Variants in PPFIBP1 observed in about 807,000 individuals in gnomAD.
PPFIBP1 encodes PPFIB scaffold protein 1.
In PPFIBP1, 112 loss-of-function variants were observed where a neutral mutation model predicts 137.8. The ratio of observed to expected loss-of-function variants is 0.81; its 90% CI spans 0.70 to 0.95. The LOEUF is 0.95. Ranked by LOEUF, PPFIBP1 falls within the 40% of genes least tolerant of loss-of-function variation. The pLI is 0.00. For synonymous variants in PPFIBP1, 378 were observed against 417.3 expected (o/e 0.91, Z 1.15); for missense variants, 1,083 against 1,196.6 (o/e 0.91, Z 1.40).
chr12:27,687,193 T>C (rs1338850819), intron 24 of PPFIBP1, among the ~76,000 whole-genome samples, 192 bp from the exon 25 acceptor site: 3 of 152,200 alleles, frequency 2.0e-5, no homozygotes, highest in Admixed American at 2.0e-4. Context: ...GTCAGCTTCA[T>C]TGGCAAAAAA....
rs1209483617 is a variant in PPFIBP1, at chr12:27,647,713, T to G, written c.358-16T>G. On this transcript the variant is annotated splice_polypyrimidine_tract_variant and intron_variant, in intron 5 of 29. Transcript: ENST00000228425. Reference sequence around the variant, plus strand: ...AATTCTTTTTCACTCATTGCATTATTTTGCTCTAAATACAGGTAAGTGTGT... The same window carrying G: ...AATTCTTTTTCACTCATTGCATTATGTTGCTCTAAATACAGGTAAGTGTGT... The G allele has an allele frequency of 5.2e-6, 8 of 1,538,232 alleles. No individual in the cohort carries two copies. Among genetic ancestry groups the G allele is most frequent in the African/African-American group, 1.4e-5 (1 of 71,902 alleles).
intron 19 of PPFIBP1, among the ~76,000 whole-genome samples, chr12:27,678,856 C>CAAAAAAAAAAAAAAAAAAA (rs60834907): frequency 2.3e-4 from 23 of 98,960 alleles, no homozygotes; most frequent in East Asian, 1.1e-3. Context: ...GACTCTGTCT[C>CAAAAAAAAAAAAAAAAAAA]AAAAAAAAAA....
At chr12:27,526,013 G>A (rs1943707438) in intron 1 of PPFIBP1, among the ~76,000 whole-genome samples, 2 of 152,226 alleles carry the variant, frequency 1.3e-5, no homozygotes, top group Non-Finnish European at 2.9e-5. Context: ...AAATGGCTCT[G>A]CAATAATGGT....
intron 1 of PPFIBP1, among the ~76,000 whole-genome samples, chr12:27,539,356 A>G (rs1945400895): frequency 6.6e-6 from 1 of 152,208 alleles, no homozygotes; most frequent in Non-Finnish European, 1.5e-5. Context: ...GCGTGGGTTT[A>G]TCAGAGCTGT....
intron 26 of PPFIBP1, 105 bp from the exon 27 acceptor site, chr12:27,688,910 C>T: frequency 9.3e-7 from 1 of 1,072,784 alleles, no homozygotes; most frequent in Non-Finnish European, 1.3e-6. Context: ...TTGAGAGGAT[C>T]ATTGGAGATA....
chr12:27,630,816 T>C (rs892059598), intron 2 of PPFIBP1, among the ~76,000 whole-genome samples: 5 of 152,198 alleles, frequency 3.3e-5, no homozygotes, highest in African/African-American at 1.2e-4. Flanking sequence ...TTTGTATGCC[T>C]TTGCATACCC....
chr12:27,534,117 C>G (rs893927198), intron 1 of PPFIBP1, among the ~76,000 whole-genome samples: 1 of 151,920 alleles, frequency 6.6e-6, no homozygotes. Flanking sequence ...TTGAGGAAGG[C>G]TCAGGTAGAG....
intron 5 of PPFIBP1, chr12:27,646,353 T>C (rs961661008): frequency 2.9e-5 from 17 of 592,252 alleles, no homozygotes; most frequent in South Asian, 6.1e-5. Flanking sequence ...CCATTAATCA[T>C]CCTCAGCTCT....
chr12:27,641,810 A>G (rs2058121754), intron 4 of PPFIBP1, among the ~76,000 whole-genome samples: 1 of 152,158 alleles, frequency 6.6e-6, no homozygotes, highest in Admixed American at 6.5e-5. Context: ...CAAATCATCT[A>G]TCACCTGAGA....
At position 27,671,478 on chromosome 12, in the gene PPFIBP1, A is replaced by G; in HGVS notation, c.1194A>G (p.Ala398=). The G allele has an allele frequency of 1.2e-6, 2 of 1,602,794 alleles. No individual in the cohort carries two copies. The highest frequency in any genetic ancestry group is 1.7e-6 in the Non-Finnish European group (2 of 1,175,892). Residue 398 remains alanine, a synonymous_variant, in exon 14 of 30, where the codon GCA becomes GCG. Coordinates refer to ENST00000228425, the MANE Select transcript of PPFIBP1 (RefSeq NM_003622.4). Reference sequence around the variant, plus strand: ...TTTCCATCCCTTCATTATTGCCAGCAACTGTAAGCATGGAAACTTCTGAAA... The same window carrying G: ...TTTCCATCCCTTCATTATTGCCAGCGACTGTAAGCATGGAAACTTCTGAAA... ...LQVSIPSLLP[A]TVSMETSEKS... is the part of the protein sequence containing the mutation.
chr12:27,588,890 T>G (rs2052116108), intron 2 of PPFIBP1, among the ~76,000 whole-genome samples: 1 of 152,238 alleles, frequency 6.6e-6, no homozygotes, highest in Admixed American at 6.5e-5. Context: ...TGTTTTGTCT[T>G]GGTACTTCTT....
chr12:27,604,616 T>A (rs1199389384), intron 2 of PPFIBP1, among the ~76,000 whole-genome samples: 1 of 152,252 alleles, frequency 6.6e-6, no homozygotes, highest in Non-Finnish European at 1.5e-5. Flanking sequence ...AATTAAGCTA[T>A]GGGAGGCTCC....
At chr12:27,609,536 ATCT>A (rs2054867334) in intron 2 of PPFIBP1, among the ~76,000 whole-genome samples, 1 of 151,890 alleles carries the variant, frequency 6.6e-6, no homozygotes, top group Admixed American at 6.6e-5. Context: ...CTCTTCCCAC[ATCT>A]TCTCGGGATC....
rs2059732530 is a variant in PPFIBP1, at chr12:27,664,399, G to A, written c.944G>A (p.Arg315Lys). The A allele has an allele frequency of 1.2e-6, 2 of 1,612,950 alleles. No homozygotes were observed. The highest frequency in any genetic ancestry group is 1.7e-6 in the Non-Finnish European group (2 of 1,179,198). ...KIEDLRQCLN[R>K]YKKMQDTVVL... ...GAAGATCTTCGACAGTGCCTGAACAGGTACAAGAAAATGCAAGACACGGTG... is the reference window on the plus strand; with the variant it reads ...GAAGATCTTCGACAGTGCCTGAACAAGTACAAGAAAATGCAAGACACGGTG... Residue 315 changes from arginine to lysine, a missense_variant, in exon 12 of 30, where the codon AGG (arginine) becomes AAG (lysine). Coordinates refer to ENST00000228425, the MANE Select transcript of PPFIBP1 (RefSeq NM_003622.4).
chr12:27,533,275 T>C (rs748604171), intron 1 of PPFIBP1, among the ~76,000 whole-genome samples: 17 of 152,142 alleles, frequency 1.1e-4, no homozygotes, highest in Admixed American at 3.9e-4. Context: ...TATAAATGGA[T>C]AAAATAATAA....
chr12:27,550,990 T>TAA (rs1946714011), intron 1 of PPFIBP1, among the ~76,000 whole-genome samples: 1 of 82,350 alleles, frequency 1.2e-5, no homozygotes, highest in Admixed American at 1.2e-4. Flanking sequence ...TATATATATA[T>TAA]ATTTTTTTTT....
chr12:27,594,653 T>C (rs10842947), intron 2 of PPFIBP1, among the ~76,000 whole-genome samples: 44,470 of 152,134 alleles, frequency 0.29, 7,516 homozygotes, highest in Middle Eastern at 0.39. Context: ...ATTACAGTTT[T>C]AAGATCTTGT....
chr12:27,648,471 C>T (rs1488261560), intron 6 of PPFIBP1, among the ~76,000 whole-genome samples: 6 of 152,066 alleles, frequency 3.9e-5, no homozygotes, highest in Admixed American at 2.0e-4. Context: ...ATAGAGCTAC[C>T]ATATGATCCA....
intron 26 of PPFIBP1, 41 bp downstream of exon 26, chr12:27,688,464 C>G (rs1294822477): frequency 1.9e-6 from 3 of 1,607,368 alleles, no homozygotes; most frequent in Non-Finnish European, 2.5e-6. Context: ...TACTTTGCTT[C>G]CTTTAGTCTA....
Sources: gnomAD v4.1 joint callset for allele counts (sites outside exome capture counted in the v4.1 genomes callset) on GRCh38, gnomAD v4.1.1 for gene constraint, MANE v1.5 for transcripts, NCBI Gene and HGNC (gene_info 2026-07-23, HGNC 2026-07-21) for gene names.